Variants in MAST4 observed in about 807,000 individuals in gnomAD.
The protein encoded by MAST4 is microtubule associated serine/threonine kinase family member 4, also known as microtubule-associated serine/threonine-protein kinase 4.
A neutral mutation model predicts 162.7 loss-of-function variants in MAST4; 89 were observed. That is an observed-to-expected ratio of 0.55 (90% confidence interval 0.46 to 0.65). The LOEUF is 0.65. Ranked by LOEUF, MAST4 falls within the 30% of genes least tolerant of loss-of-function variation. The pLI, the probability that MAST4 is intolerant of heterozygous loss-of-function variation, is 0.00. For missense variants in MAST4, 3,153 were observed against 3,374.0 expected, an observed-to-expected ratio of 0.93 and a Z score of 1.62; for synonymous variants, 1,479 against 1,361.1, an observed-to-expected ratio of 1.09 and a Z score of -1.91.
chr5:66,738,048 A>G (rs1352752706), intron 1 of MAST4: 1 of 152,210 alleles, frequency 6.6e-6, no homozygotes, highest in Non-Finnish European at 1.5e-5. Context: ...GAGAGCTGAC[A>G]AATTCAACCA....
At chr5:66,763,955 G>T (rs766199144) in intron 2 of MAST4, among the ~76,000 whole-genome samples, 2 of 152,174 alleles carry the variant, frequency 1.3e-5, no homozygotes, top group Non-Finnish European at 2.9e-5. Context: ...GGTTGAGTAG[G>T]CTTCCTTTAA....
chr5:66,621,497 G>A (rs1045810057), intron 1 of MAST4, among the ~76,000 whole-genome samples: 3 of 152,134 alleles, frequency 2.0e-5, no homozygotes, highest in Admixed American at 6.5e-5. Context: ...TGACTTGAAA[G>A]GCATTAGCCA....
At chr5:66,784,677 G>A (rs374579942) in intron 2 of MAST4, among the ~76,000 whole-genome samples, 24 of 151,870 alleles carry the variant, frequency 1.6e-4, no homozygotes, top group South Asian at 4.2e-4. Flanking sequence ...TGTGTGACCC[G>A]GCCTAAGAAC....
At chr5:66,941,748 A>T (rs2150105185) in intron 4 of MAST4, among the ~76,000 whole-genome samples, 1 of 152,224 alleles carries the variant, frequency 6.6e-6, no homozygotes, top group East Asian at 1.9e-4. Context: ...CATGAAACAT[A>T]ATCGTTTTTA....
chr5:67,148,646 A>G (rs1457588679), intron 23 of MAST4, among the ~76,000 whole-genome samples: 2 of 152,224 alleles, frequency 1.3e-5, no homozygotes, highest in Admixed American at 1.3e-4. Flanking sequence ...GGGGAGAGGA[A>G]ATAGCATGAG....
At chr5:67,120,949 C>T (rs1360226490) in intron 13 of MAST4, 68 bp from the exon 14 acceptor site, 7 of 1,110,620 alleles carry the variant, frequency 6.3e-6, no homozygotes, top group African/African-American at 3.1e-5. Context: ...CAAATATTAT[C>T]TATTTTGCTG....
intron 4 of MAST4, among the ~76,000 whole-genome samples, chr5:66,934,867 A>T (rs1742562195): frequency 6.6e-6 from 1 of 152,186 alleles, no homozygotes; most frequent in Non-Finnish European, 1.5e-5. Context: ...GTCAGTGGTA[A>T]CATGGTACTC....
intron 1 of MAST4, among the ~76,000 whole-genome samples, chr5:66,703,881 A>G (rs935996452): frequency 6.6e-6 from 1 of 152,222 alleles, no homozygotes; most frequent in East Asian, 1.9e-4. Flanking sequence ...AGATCATAAC[A>G]TTTTGAGTCA....
At chr5:66,951,569 A>G (rs1744669552) in intron 4 of MAST4, among the ~76,000 whole-genome samples, 1 of 150,322 alleles carries the variant, frequency 6.7e-6, no homozygotes. Context: ...CTACATCTTT[A>G]GAGAGGCCAT....
At chr5:66,734,642 T>C (rs1317594723) in intron 1 of MAST4, among the ~76,000 whole-genome samples, 6 of 152,168 alleles carry the variant, frequency 3.9e-5, no homozygotes, top group Non-Finnish European at 7.3e-5. Context: ...GATAGACATG[T>C]TCTATATTCT....
At chr5:67,100,353 A>G in intron 7 of MAST4, 82 bp from the exon 8 acceptor site, 2 of 1,406,862 alleles carry the variant, frequency 1.4e-6, no homozygotes. Flanking sequence ...GTATTGTCCA[A>G]GTTTAACTCA....
chr5:66,728,253 A>G (rs1470533398), intron 1 of MAST4, among the ~76,000 whole-genome samples: 1 of 152,200 alleles, frequency 6.6e-6, no homozygotes, highest in African/African-American at 2.4e-5. Flanking sequence ...GAATGAGCTA[A>G]AATTAAAGTT....
chr5:66,724,668 A>G (rs1751408975), intron 1 of MAST4, among the ~76,000 whole-genome samples: 1 of 152,184 alleles, frequency 6.6e-6, no homozygotes, highest in South Asian at 2.1e-4. Flanking sequence ...CTACTGGGCT[A>G]CAAACCTGTA....
intron 3 of MAST4, among the ~76,000 whole-genome samples, chr5:66,851,371 A>G (rs1759302564): frequency 6.6e-6 from 1 of 152,244 alleles, no homozygotes; most frequent in Admixed American, 6.5e-5. Flanking sequence ...GAGGGTGGGC[A>G]GGAGCAGCCG....
chr5:67,140,250 G>A (rs577769135), intron 19 of MAST4, among the ~76,000 whole-genome samples: 3 of 152,318 alleles, frequency 2.0e-5, no homozygotes, highest in Non-Finnish European at 4.4e-5. Context: ...CCCAACACCC[G>A]CACCGTGCTG....
At position 66,921,483 on chromosome 5, in the gene MAST4, A is replaced by G. The variant is rs185842277; in HGVS notation, c.674+21501A>G. On this transcript the variant is annotated intron_variant, in intron 4 of 28. Coordinates refer to ENST00000403625, the MANE Select transcript of MAST4 (RefSeq NM_001164664.2). ...CTAAAGATTAAAACTGCGGCCAGGCATGGTGGCTCACACCTGAAATCCCAG... is the reference window on the plus strand; with the variant it reads ...CTAAAGATTAAAACTGCGGCCAGGCGTGGTGGCTCACACCTGAAATCCCAG... Among the ~76,000 whole-genome samples the G allele has an allele frequency of 3.3e-5, 5 of 152,318 alleles. No individual in the cohort carries two copies. The East Asian group carries it at 7.7e-4, about 24-fold the overall frequency.
chr5:66,946,627 G>T (rs1458630068), intron 4 of MAST4, among the ~76,000 whole-genome samples: 1 of 152,128 alleles, frequency 6.6e-6, no homozygotes, highest in African/African-American at 2.4e-5. Context: ...CATGGGTTTT[G>T]CCAACAGTAA....
At chr5:67,056,759 C>T (rs942408366) in intron 5 of MAST4, among the ~76,000 whole-genome samples, 3 of 152,260 alleles carry the variant, frequency 2.0e-5, no homozygotes, top group Non-Finnish European at 2.9e-5. Flanking sequence ...TGCAGAGGCA[C>T]GATCTCAGCT....
At chr5:67,024,336 T>TAC (rs775487954) in intron 4 of MAST4, among the ~76,000 whole-genome samples, 4,601 of 141,138 alleles carry the variant, frequency 0.033, 217 homozygotes, top group African/African-American at 0.12. Flanking sequence ...TATATATATA[T>TAC]ACACACACAC....
Sources: gnomAD v4.1 joint callset for allele counts (sites outside exome capture counted in the v4.1 genomes callset) on GRCh38, gnomAD v4.1.1 for gene constraint, MANE v1.5 for transcripts, NCBI Gene and HGNC (gene_info 2026-07-23, HGNC 2026-07-21) for gene names.